PPP1R1A: variants seen among roughly 807,000 people sequenced by gnomAD.
The protein encoded by PPP1R1A is protein phosphatase 1 regulatory subunit 1A.
A neutral mutation model predicts 23.9 loss-of-function variants in PPP1R1A; 18 were observed. The ratio of observed to expected loss-of-function variants is 0.75; its 90% CI spans 0.52 to 1.12. The LOEUF (loss-of-function observed/expected upper bound fraction) is 1.12, where lower values mean the gene tolerates loss of function less well. PPP1R1A is among the 50% of genes most tolerant of loss of function. The pLI is 0.00. For missense variants in PPP1R1A, 207 were observed against 223.8 expected (o/e 0.92, Z 0.48); for synonymous variants, 84 against 80.7 (o/e 1.04, Z -0.22).
chr12:54,586,334 T>TC (rs1364513079), intron 1 of PPP1R1A, among the ~76,000 whole-genome samples: 3 of 152,212 alleles, frequency 2.0e-5, no homozygotes, highest in African/African-American at 7.2e-5. Context: ...CTGAGGTACC[T>TC]CCCAGGCACC....
chr12:54,580,889 T>C, intron 6 of PPP1R1A, 55 bp downstream of exon 6: 2 of 1,402,486 alleles, frequency 1.4e-6, no homozygotes, highest in Non-Finnish European at 2.0e-6. Flanking sequence ...CTTGCTTTTG[T>C]CCACAATATT....
At chr12:54,586,839 C>A (rs561041179) in intron 1 of PPP1R1A, among the ~76,000 whole-genome samples, 1 of 152,292 alleles carries the variant, frequency 6.6e-6, no homozygotes, top group Non-Finnish European at 1.5e-5. Flanking sequence ...AGGTGTCGGG[C>A]CCTGTCTGTG....
Position 54,580,219 on chromosome 12 carries a change from G to T in PPP1R1A, c.*168C>A. 1 of 1,435,794 alleles carries T rather than the reference G, an allele frequency of 7.0e-7. No individual in the cohort carries two copies. Among genetic ancestry groups the T allele is most frequent in the Non-Finnish European group, 9.2e-7 (1 of 1,091,018 alleles). The allele number at this position is 1,435,794 out of a possible 1,614,324, so 88.9% of individuals were successfully genotyped here. A position where few individuals can be genotyped will look rare whatever the true frequency, so the allele number is the denominator to read the frequency against. ...AGAGGGCAGGGCAAGAAGGCAGGGA[G>T]AAAGGATTCTCCCAGTTGGAAAAGA... is the stretch of plus-strand genomic sequence containing the variant. On this transcript the variant is annotated 3_prime_UTR_variant, in exon 7 of 7. Transcript: ENST00000257905.
Position 54,579,247 on chromosome 12 carries a change from G to A in PPP1R1A, c.*1140C>T. The A allele has an allele frequency of 2.0e-6, 2 of 985,186 alleles. No homozygotes were observed. Among genetic ancestry groups the A allele is most frequent in the Non-Finnish European group, 2.4e-6 (2 of 829,816 alleles). The allele number at this position is 985,186 out of a possible 1,614,324, so 61.0% of individuals were successfully genotyped here. A position where few individuals can be genotyped will look rare whatever the true frequency, so the allele number is the denominator to read the frequency against. Reference sequence around the variant, plus strand: ...TAAAGAAGGGAGACCAGGCCTGACTGTGTGTGTTCACTGGGTACAAGTTGA... The same window carrying A: ...TAAAGAAGGGAGACCAGGCCTGACTATGTGTGTTCACTGGGTACAAGTTGA... On this transcript the variant is annotated 3_prime_UTR_variant, in exon 7 of 7. Transcript: ENST00000257905.
intron 1 of PPP1R1A, 133 bp downstream of exon 1, chr12:54,588,272 C>CCCCCA: frequency 2.8e-6 from 1 of 362,706 alleles, no homozygotes; most frequent in Non-Finnish European, 4.7e-6. Context: ...CCCCGCCCCC[C>CCCCCA]GCAAACTGAG....
In PPP1R1A at chr12:54,581,411, C is replaced by A. The variant is rs1272384053; in HGVS notation, c.404-361G>T. 6.6e-6 allele frequency among the ~76,000 whole-genome samples: 1 copy of A among 152,190 alleles called. No individual in the cohort carries two copies. On this transcript the variant is annotated intron_variant, in intron 5 of 6. Transcript: ENST00000257905. The surrounding 1 kb of genome is among the most constrained non-coding windows in gnomAD (Gnocchi z 4.1). ...ATTATGTGTTTGATTGTAGGGTTCT[C>A]TGCCGGGAATACTATGCGATACACA...
chr12:54,583,884 C>A (rs771580108), intron 2 of PPP1R1A, among the ~76,000 whole-genome samples: 3 of 152,336 alleles, frequency 2.0e-5, no homozygotes, highest in Non-Finnish European at 4.4e-5. Context: ...TCCCCTCCCC[C>A]TCTGGGGGCT....
Position 54,588,511 on chromosome 12 carries a change from C to A in PPP1R1A, c.-23G>T. 2 of 1,320,934 alleles carry A rather than the reference C, an allele frequency of 1.5e-6. No individual in the cohort carries two copies. Among genetic ancestry groups the A allele is most frequent in the South Asian group, 2.1e-5 (1 of 47,974 alleles). The allele number at this position is 1,320,934 out of a possible 1,614,324, so 81.8% of individuals were successfully genotyped here. A position where few individuals can be genotyped will look rare whatever the true frequency, so the allele number is the denominator to read the frequency against. ...CATGGCTGGGGCGGCGGCCGGTGGGCCCGCGCTGCGGCGGGAGGGAAGGCG... is the reference window on the plus strand; with the variant it reads ...CATGGCTGGGGCGGCGGCCGGTGGGACCGCGCTGCGGCGGGAGGGAAGGCG... On this transcript the variant is annotated 5_prime_UTR_variant, in exon 1 of 7. Coordinates refer to ENST00000257905, the MANE Select transcript of PPP1R1A (RefSeq NM_006741.4).
Position 54,583,062 on chromosome 12 carries a change from T to C in PPP1R1A, c.183+149A>G, listed in dbSNP as rs1957872850. On this transcript the variant is annotated intron_variant, in intron 3 of 6. Coordinates refer to ENST00000257905, the MANE Select transcript of PPP1R1A (RefSeq NM_006741.4). ...TGTGTGTGTGTGGGGTGCATGTGTATATGTTCACTCATGCACATTTGGGGG... is the reference window on the plus strand; with the variant it reads ...TGTGTGTGTGTGGGGTGCATGTGTACATGTTCACTCATGCACATTTGGGGG... 9.0e-6 allele frequency: 7 copies of C among 779,634 alleles called. No individual in the cohort carries two copies. The South Asian group carries it at 1.1e-4, about 12-fold the overall frequency. 48.3% of individuals were successfully genotyped at this position (779,634 alleles called of 1,614,324 possible). A position where few individuals can be genotyped will look rare whatever the true frequency, so the allele number is the denominator to read the frequency against.
At position 54,581,144 on chromosome 12, in the gene PPP1R1A, G is replaced by A. The variant is rs963433019; in HGVS notation, c.404-94C>T. ...CTCCTCACTGCACCCATACCCCAGT[G>A]GCCCCTGAGAGGGCCCCAGGACCAA... On this transcript the variant is annotated intron_variant, in intron 5 of 6. Transcript: ENST00000257905. This position sits in a 1 kb window ranked among gnomAD's most constrained non-coding sequence, Gnocchi z 4.1. 1 of 1,001,318 alleles carries A rather than the reference G, an allele frequency of 1.0e-6. No homozygotes were observed. The highest frequency in any genetic ancestry group is 1.5e-5 in the South Asian group (1 of 64,754). The allele number at this position is 1,001,318 out of a possible 1,614,324, so 62.0% of individuals were successfully genotyped here.
At position 54,582,757 on chromosome 12, in the gene PPP1R1A, C is replaced by T; in HGVS notation, c.222G>A (p.Met74Ile). ...LAMSPRQRKKMTRITPTMKEL... is the reference protein window; with the variant it reads ...LAMSPRQRKKITRITPTMKEL... ...CTTTCATTGTGGGTGTGATCCTTGT[C>T]ATCTTCTTCCGTTGCCGTGGAGACA... The change falls in exon 4 of 7, where the codon ATG becomes ATA. Residue 74 changes from methionine to isoleucine, a missense_variant. Met to Ile is a conservative substitution (Grantham distance 10, BLOSUM62 1). Transcript: ENST00000257905. 6.2e-7 allele frequency: 1 copy of T among 1,613,786 alleles called. No homozygotes were observed. Among genetic ancestry groups the T allele is most frequent in the Non-Finnish European group, 8.5e-7 (1 of 1,179,900 alleles).
In PPP1R1A at chr12:54,579,482, G is replaced by T; in HGVS notation, c.*905C>A. 1.0e-6 allele frequency: 1 copy of T among 985,372 alleles called. No individual in the cohort carries two copies. Among genetic ancestry groups the T allele is most frequent in the Non-Finnish European group, 1.2e-6 (1 of 829,930 alleles). The allele number at this position is 985,372 out of a possible 1,614,324, so 61.0% of individuals were successfully genotyped here. Reference sequence around the variant, plus strand: ...TCTTGCCTCTGTACCACATGCTTCAGCAGGGAGGGGGAAAGAATCTTGCCT... The same window carrying T: ...TCTTGCCTCTGTACCACATGCTTCATCAGGGAGGGGGAAAGAATCTTGCCT... On this transcript the variant is annotated 3_prime_UTR_variant, in exon 7 of 7. Coordinates refer to ENST00000257905, the MANE Select transcript of PPP1R1A (RefSeq NM_006741.4).
At position 54,588,385 on chromosome 12, in the gene PPP1R1A, C is replaced by T; in HGVS notation, c.84+20G>A. On this transcript the variant is annotated intron_variant, in intron 1 of 6. Coordinates refer to ENST00000257905, the MANE Select transcript of PPP1R1A (RefSeq NM_006741.4). ...GTCCTTGGCTGGGCGAGTGCCCTGC[C>T]GCCCCGCCCTGCTCCGCACCTGCTC... 1.3e-6 allele frequency: 2 copies of T among 1,492,302 alleles called. No homozygotes were observed. The highest frequency in any genetic ancestry group is 1.8e-6 in the Non-Finnish European group (2 of 1,115,322). The allele number at this position is 1,492,302 out of a possible 1,614,324, so 92.4% of individuals were successfully genotyped here. A position where few individuals can be genotyped will look rare whatever the true frequency, so the allele number is the denominator to read the frequency against.
rs1957843146 is a variant in PPP1R1A at position 54,580,370 on chromosome 12, A to G, written c.*17T>C. On this transcript the variant is annotated 3_prime_UTR_variant, in exon 7 of 7. Transcript: ENST00000257905. ...TTCCCAAACTGCAGTCTTGATCCCA[A>G]GATACCTCCTCCTCTCTCAGACCTG... The G allele has an allele frequency of 6.2e-7, 1 of 1,613,638 alleles. No homozygotes were observed. The highest frequency in any genetic ancestry group is 8.5e-7 in the Non-Finnish European group (1 of 1,179,670).
Position 54,583,440 on chromosome 12 carries a change from C to G in PPP1R1A, c.146-192G>C, listed in dbSNP as rs574513542. ...AAGCTCCTCTCCTGTGCTTCCGCTG[C>G]CTCCATCCCTCTGCATCTAGTCCCG... On this transcript the variant is annotated intron_variant, in intron 2 of 6. Transcript: ENST00000257905. Among the ~76,000 whole-genome samples the G allele has an allele frequency of 3.3e-5, 5 of 152,348 alleles. No homozygotes were observed. The South Asian group carries it at 8.3e-4, about 25-fold the overall frequency.
chr12:54,588,066 G>C (rs1230365354), intron 1 of PPP1R1A, among the ~76,000 whole-genome samples: 1 of 152,004 alleles, frequency 6.6e-6, no homozygotes, highest in Non-Finnish European at 1.5e-5. Flanking sequence ...GGGGTTGACT[G>C]GGTGGGGGAT....
At chr12:54,582,689 T>A in intron 4 of PPP1R1A, 43 bp downstream of exon 4, 1 of 1,593,538 alleles carries the variant, frequency 6.3e-7, no homozygotes, top group Non-Finnish European at 8.6e-7. Context: ...CTCTTCAGCT[T>A]CAGGCACAGA....
At chr12:54,583,657 C>T (rs988610512) in intron 2 of PPP1R1A, among the ~76,000 whole-genome samples, 3 of 152,178 alleles carry the variant, frequency 2.0e-5, no homozygotes, top group Non-Finnish European at 2.9e-5. Context: ...TGATAGAGGA[C>T]AGTCAATTTA....
intron 1 of PPP1R1A, among the ~76,000 whole-genome samples, chr12:54,585,302 G>C (rs936801264): frequency 2.0e-5 from 3 of 152,206 alleles, no homozygotes; most frequent in African/African-American, 7.2e-5. Flanking sequence ...CCAAAGCGTA[G>C]CTGAAAAATC....
Sources: gnomAD v4.1 joint callset for allele counts (sites outside exome capture counted in the v4.1 genomes callset) on GRCh38, gnomAD v4.1.1 for gene constraint, Gnocchi (gnomAD v3.1) non-coding constraint, MANE v1.5 for transcripts, NCBI Gene and HGNC (gene_info 2026-07-23, HGNC 2026-07-21) for gene names.